Variants in TTC38 observed in about 807,000 individuals in gnomAD.
TTC38 encodes the protein tetratricopeptide repeat domain 38, also known as tetratricopeptide repeat protein 38.
Under a neutral mutation model 64.2 loss-of-function variants are expected in TTC38, and 64 were observed. The ratio of observed to expected loss-of-function variants is 1.00; its 90% CI spans 0.81 to 1.23. The LOEUF is 1.23. Ranked by LOEUF, TTC38 falls within the 50% of genes most tolerant of loss-of-function variation. The pLI is 0.00. For synonymous variants in TTC38, 254 were observed against 249.3 expected (o/e 1.02, Z -0.18); for missense variants, 573 against 615.5 (o/e 0.93, Z 0.73).
At chr22:46,289,668 G>T (rs780563529) in intron 12 of TTC38, 107 bp downstream of exon 12, 114 of 1,467,982 alleles carry the variant, frequency 7.8e-5, no homozygotes, top group Non-Finnish European at 1.1e-4. Flanking sequence ...CAATGTGGGT[G>T]TGAACGTGTC....
intron 12 of TTC38, 68 bp from the exon 13 acceptor site, chr22:46,289,758 C>A (rs1033217395): frequency 2.6e-6 from 4 of 1,562,536 alleles, no homozygotes; most frequent in Non-Finnish European, 3.5e-6. Flanking sequence ...AGGCAGCCCG[C>A]GGTGGGCGGG....
chr22:46,270,387 TA>T lies in TTC38; in HGVS notation c.111+1806del, dbSNP rs541902862. Among the ~76,000 whole-genome samples the T allele has an allele frequency of 1.7e-4, 26 of 149,068 alleles. No individual in the cohort carries two copies. The highest frequency in any genetic ancestry group is 8.0e-4 in the Admixed American group (12 of 14,954). On this transcript the variant is annotated intron_variant, in intron 2 of 13. Coordinates refer to ENST00000381031, the MANE Select transcript of TTC38 (RefSeq NM_017931.4). The surrounding 1 kb of genome is among the most constrained non-coding windows in gnomAD (Gnocchi z 4.7). Reference sequence around the variant, plus strand: ...CTGGGCAACAGAGCAAACCCTGTCTTAAAAAAAAAATACACGTACTAATTCT... The same window carrying T: ...CTGGGCAACAGAGCAAACCCTGTCTTAAAAAAAAATACACGTACTAATTCT...
In TTC38 at chr22:46,292,091, G is replaced by T; in HGVS notation, c.1317-700G>T. 2 of 347,954 alleles carry T rather than the reference G, an allele frequency of 5.7e-6. No homozygotes were observed. Among genetic ancestry groups the T allele is most frequent in the South Asian group, 4.7e-5 (2 of 42,130 alleles). 21.6% of individuals were successfully genotyped at this position (347,954 alleles called of 1,614,324 possible). A position where few individuals can be genotyped will look rare whatever the true frequency, so the allele number is the denominator to read the frequency against. ...AGTTTCTGCTGAGGCCTCTCTTCCT[G>T]GCTTGTGGACAGCCACTTTCTTGCT... On this transcript the variant is annotated intron_variant, in intron 13 of 13. Coordinates refer to ENST00000381031, the MANE Select transcript of TTC38 (RefSeq NM_017931.4). This position sits in a 1 kb window ranked among gnomAD's most constrained non-coding sequence, Gnocchi z 6.5.
rs900941158 is a variant in TTC38, at chr22:46,273,250, G to A, written c.194-648G>A. ...TCATCAGCTGGGCTGGGCTGGGCTC[G>A]ACCATCGGAATCACCAGCTGTTTTC... On this transcript the variant is annotated intron_variant, in intron 3 of 13. Transcript: ENST00000381031. The surrounding 1 kb of genome is among the most constrained non-coding windows in gnomAD (Gnocchi z 5.1). 5.3e-5 allele frequency among the ~76,000 whole-genome samples: 8 copies of A among 152,144 alleles called. No homozygotes were observed. Among genetic ancestry groups the A allele is most frequent in the Admixed American group, 2.0e-4 (3 of 15,280 alleles).
At chr22:46,268,420 G>C in intron 1 of TTC38, 94 bp from the exon 2 acceptor site, 1 of 1,321,012 alleles carries the variant, frequency 7.6e-7, no homozygotes. Context: ...AGATGAGGAA[G>C]GTGGAGGTCA....
intron 13 of TTC38, 52 bp downstream of exon 13, chr22:46,289,951 C>A (rs1274887022): frequency 2.0e-6 from 3 of 1,529,132 alleles, no homozygotes; most frequent in Non-Finnish European, 1.8e-6. Flanking sequence ...GCTCTCCCTG[C>A]AGACCTCAGG....
rs1240372598 is a variant in TTC38 at position 46,275,218 on chromosome 22, C to T, written c.366-30C>T. The T allele has an allele frequency of 6.2e-6, 10 of 1,603,546 alleles. No individual in the cohort carries two copies. Among genetic ancestry groups the T allele is most frequent in the East Asian group, 2.2e-5 (1 of 44,844 alleles). On this transcript the variant is annotated intron_variant, in intron 4 of 13. Transcript: ENST00000381031. This position sits in a 1 kb window ranked among gnomAD's most constrained non-coding sequence, Gnocchi z 4.5. Reference sequence around the variant, plus strand: ...CTGTGTGGGTGGACTATGTGTTCAGCGTTGGTGAGAAATCTTTCTCGGTTT... The same window carrying T: ...CTGTGTGGGTGGACTATGTGTTCAGTGTTGGTGAGAAATCTTTCTCGGTTT...
At position 46,268,045 on chromosome 22, in the gene TTC38, C is replaced by T. The variant is rs747188517; in HGVS notation, c.6C>T (p.Ala2=). Residue 2 remains alanine (A), a synonymous_variant, in exon 1 of 14, where the codon GCC becomes GCT. Transcript: ENST00000381031. M[A]AASPLRDCQA... ...GGACTCCGACCCGGCGCAACATGGC[C>T]GCAGCCTCGCCTCTGCGCGACTGCC... 1.2e-4 allele frequency: 187 copies of T among 1,542,354 alleles called. No homozygotes were observed. Among genetic ancestry groups the T allele is most frequent in the South Asian group, 3.9e-4 (33 of 83,890 alleles).
chr22:46,291,267 C>T lies in TTC38; in HGVS notation c.1316+1368C>T, dbSNP rs1020230695. Among the ~76,000 whole-genome samples, 2 of 152,190 alleles carry T rather than the reference C, an allele frequency of 1.3e-5. No homozygotes were observed. Among genetic ancestry groups the T allele is most frequent in the African/African-American group, 4.8e-5 (2 of 41,446 alleles). Reference sequence around the variant, plus strand: ...GTGGTGTGGGTGGGAGTTGGTGCCTCTGGCAGCAGCGGTGGGGAAAGTGGC... The same window carrying T: ...GTGGTGTGGGTGGGAGTTGGTGCCTTTGGCAGCAGCGGTGGGGAAAGTGGC... On this transcript the variant is annotated intron_variant, in intron 13 of 13. Transcript: ENST00000381031. The surrounding 1 kb of genome is among the most constrained non-coding windows in gnomAD (Gnocchi z 4.6).
In TTC38 at chr22:46,272,644, T is replaced by C. The variant is rs1056889625; in HGVS notation, c.193+228T>C. ...CAGAAGGCATTTTTCTCATCTTTTCTTTAATTACCATCAATTCGGGAATGA... is the reference window on the plus strand; with the variant it reads ...CAGAAGGCATTTTTCTCATCTTTTCCTTAATTACCATCAATTCGGGAATGA... On this transcript the variant is annotated intron_variant, in intron 3 of 13. Coordinates refer to ENST00000381031, the MANE Select transcript of TTC38 (RefSeq NM_017931.4). This position sits in a 1 kb window ranked among gnomAD's most constrained non-coding sequence, Gnocchi z 6.4. Among the ~76,000 whole-genome samples the C allele has an allele frequency of 3.3e-5, 5 of 152,206 alleles. No homozygotes were observed. Among genetic ancestry groups the C allele is most frequent in the Non-Finnish European group, 7.3e-5 (5 of 68,036 alleles).
In TTC38 at chr22:46,285,256, G is replaced by A. The variant is rs199903244; in HGVS notation, c.811G>A (p.Ala271Thr). The A allele has an allele frequency of 4.3e-6, 7 of 1,614,172 alleles. No individual in the cohort carries two copies. The highest frequency in any genetic ancestry group is 3.3e-5 in the Admixed American group (2 of 60,028). The change falls in exon 9 of 14, where the codon GCG becomes ACG. Residue 271 changes from alanine (A) to threonine (T), a missense_variant. Coordinates refer to ENST00000381031, the MANE Select transcript of TTC38 (RefSeq NM_017931.4). ...YLIEKGEYEA[A>T]LTIYDTHILP... ...ATTCTTCCAGGGCGAATATGAGGCC[G>A]CGCTGACCATCTACGATACCCACGT... is the stretch of plus-strand genomic sequence containing the variant.
chr22:46,291,784 G>A lies in TTC38; in HGVS notation c.1317-1007G>A, dbSNP rs9615937. Reference sequence around the variant, plus strand: ...AGCCTGGCTAATATGGTGAAACTCCGCCTCTACTAAAAATACAAAAAATTA... The same window carrying A: ...AGCCTGGCTAATATGGTGAAACTCCACCTCTACTAAAAATACAAAAAATTA... On this transcript the variant is annotated intron_variant, in intron 13 of 13. Coordinates refer to ENST00000381031, the MANE Select transcript of TTC38 (RefSeq NM_017931.4). The surrounding 1 kb of genome is among the most constrained non-coding windows in gnomAD (Gnocchi z 4.6). Among the ~76,000 whole-genome samples the A allele has an allele frequency of 6.6e-6, 1 of 152,038 alleles. No individual in the cohort carries two copies. The highest frequency in any genetic ancestry group is 2.4e-5 in the African/African-American group (1 of 41,372).
In TTC38 at chr22:46,272,553, A is replaced by C. The variant is rs765627018; in HGVS notation, c.193+137A>C. 7.6e-6 allele frequency: 5 copies of C among 660,634 alleles called. No individual in the cohort carries two copies. The highest frequency in any genetic ancestry group is 1.3e-5 in the Non-Finnish European group (5 of 372,428). The allele number at this position is 660,634 out of a possible 1,614,324, so 40.9% of individuals were successfully genotyped here. On this transcript the variant is annotated intron_variant, in intron 3 of 13. Transcript: ENST00000381031. The surrounding 1 kb of genome is among the most constrained non-coding windows in gnomAD (Gnocchi z 6.4). ...ACCAGGGTGGCATTTGCACAGAGGG[A>C]GAGAAGATGACAGCTGCCTTTGTGT...
Position 46,270,840 on chromosome 22 carries a change from GA to G in TTC38, c.112-1483del, listed in dbSNP as rs879499373. 0.011 allele frequency among the ~76,000 whole-genome samples: 1,461 copies of G among 130,842 alleles called. 21 individuals carry two copies. The highest frequency in any genetic ancestry group is 0.038 in the African/African-American group (1,364 of 35,854). The allele number at this position is 130,842 out of a possible 152,430, so 85.8% of individuals were successfully genotyped here. ...CAGGGCAAGACTCCATCTCAAAAAA[GA>G]AAAAAAAAAAATTAGCCGGGCGCAG... On this transcript the variant is annotated intron_variant, in intron 2 of 13. Coordinates refer to ENST00000381031, the MANE Select transcript of TTC38 (RefSeq NM_017931.4). This position sits in a 1 kb window ranked among gnomAD's most constrained non-coding sequence, Gnocchi z 4.7.
chr22:46,278,519 G>C, intron 5 of TTC38, 67 bp from the exon 6 acceptor site: 1 of 1,355,050 alleles, frequency 7.4e-7, no homozygotes. Flanking sequence ...GTATCTTTGC[G>C]GGGACACAGT....
chr22:46,276,925 A>G lies in TTC38; in HGVS notation c.539+1504A>G, dbSNP rs2077494457. Among the ~76,000 whole-genome samples, 1 of 150,080 alleles carries G rather than the reference A, an allele frequency of 6.7e-6. No individual in the cohort carries two copies. Among genetic ancestry groups the G allele is most frequent in the South Asian group, 2.1e-4 (1 of 4,792 alleles). The stretch of plus-strand genomic sequence containing the variant: ...ACAGCTGAGCACCACGGGCCAGCCA[A>G]ATTGACAGATAAAAATTAACCGTCA... On this transcript the variant is annotated intron_variant, in intron 5 of 13. Coordinates refer to ENST00000381031, the MANE Select transcript of TTC38 (RefSeq NM_017931.4). This position sits in a 1 kb window ranked among gnomAD's most constrained non-coding sequence, Gnocchi z 4.7.
intron 6 of TTC38, among the ~76,000 whole-genome samples, chr22:46,279,678 T>A (rs1329129356): frequency 6.6e-6 from 1 of 152,240 alleles, no homozygotes; most frequent in African/African-American, 2.4e-5. Context: ...GATTACAGAA[T>A]CCGAGACTTG....
intron 10 of TTC38, among the ~76,000 whole-genome samples, chr22:46,287,971 A>G (rs1366355863): frequency 6.6e-6 from 1 of 152,150 alleles, no homozygotes; most frequent in African/African-American, 2.4e-5. Context: ...ATGTGGTCAG[A>G]TGGGCCAACA....
chr22:46,274,139 T>A lies in TTC38; in HGVS notation c.365+70T>A. On this transcript the variant is annotated intron_variant, in intron 4 of 13. Coordinates refer to ENST00000381031, the MANE Select transcript of TTC38 (RefSeq NM_017931.4). This position sits in a 1 kb window ranked among gnomAD's most constrained non-coding sequence, Gnocchi z 4.8. ...CTGGGGGAGTGGCAGGGTATCCCTT[T>A]CCTGATGCCCTTGGGACGGGGGCGG... 1 of 934,552 alleles carries A rather than the reference T, an allele frequency of 1.1e-6. No individual in the cohort carries two copies. The highest frequency in any genetic ancestry group is 1.6e-6 in the Non-Finnish European group (1 of 628,256). 57.9% of individuals were successfully genotyped at this position (934,552 alleles called of 1,614,324 possible). A position where few individuals can be genotyped will look rare whatever the true frequency, so the allele number is the denominator to read the frequency against.
Sources: allele counts gnomAD v4.1 joint callset (sites outside exome capture counted in the v4.1 genomes callset), GRCh38; gene constraint gnomAD v4.1.1; non-coding constraint Gnocchi (gnomAD v3.1); transcripts MANE v1.5; gene names NCBI Gene and HGNC (gene_info 2026-07-23, HGNC 2026-07-21).